Variants in PAFAH1B2 observed in about 807,000 individuals in gnomAD.
PAFAH1B2 encodes platelet-activating factor acetylhydrolase IB subunit alpha2.
A neutral mutation model predicts 28.0 loss-of-function variants in PAFAH1B2; 8 were observed. That is an observed-to-expected ratio of 0.29 (90% CI 0.17 to 0.52). PAFAH1B2 has a LOEUF of 0.52. Ranked by LOEUF, PAFAH1B2 falls within the 20% of genes least tolerant of loss-of-function variation. The pLI is 0.97. For synonymous variants in PAFAH1B2, 104 were observed against 103.2 expected (o/e 1.01, Z -0.05); for missense variants, 190 against 282.6 (o/e 0.67, Z 2.35).
At chr11:117,149,162 C>T (rs931325049) in intron 1 of PAFAH1B2, among the ~76,000 whole-genome samples, 8 of 150,154 alleles carry the variant, frequency 5.3e-5, no homozygotes, top group African/African-American at 2.0e-4. Flanking sequence ...GGATTACAGG[C>T]GTGAGCCACT....
chr11:117,172,380 ATATATATATATATATATATATATATT>A (rs1956679718), downstream of PAFAH1B2, among the ~76,000 whole-genome samples: 7 of 5,082 alleles, frequency 1.4e-3, 1 homozygote, highest in East Asian at 0.031. Flanking sequence ...ATATATATAT[ATATATATATATATATATATATATATT>A]TTTTTTTTTT....
downstream of PAFAH1B2, chr11:117,171,768 A>T: frequency 6.5e-7 from 1 of 1,530,736 alleles, no homozygotes; most frequent in Non-Finnish European, 8.8e-7. Context: ...TGCCGGTATG[A>T]TGTTCCTTGG....
At chr11:117,174,164 T>TTTTGTG (rs766588493), downstream of PAFAH1B2, among the ~76,000 whole-genome samples, 21 of 138,806 alleles carry the variant, frequency 1.5e-4, no homozygotes, top group Admixed American at 1.4e-3. Flanking sequence ...TTCATGTCTT[T>TTTTGTG]TGTGTGTGTG....
At chr11:117,145,425 A>C (rs1011710094) in intron 1 of PAFAH1B2, among the ~76,000 whole-genome samples, 1 of 111,528 alleles carries the variant, frequency 9.0e-6, no homozygotes, top group Non-Finnish European at 1.9e-5. Flanking sequence ...GTACAGCTTG[A>C]AATTATGGGA....
In PAFAH1B2 at chr11:117,168,038, C is replaced by G. The variant is rs1591754309; in HGVS notation, c.*339C>G. The G allele has an allele frequency of 1.9e-6, 2 of 1,067,416 alleles. No individual in the cohort carries two copies. The highest frequency in any genetic ancestry group is 5.3e-5 in the Admixed American group (1 of 18,796). The allele number at this position is 1,067,416 out of a possible 1,614,324, so 66.1% of individuals were successfully genotyped here. ...TACTGAACAATATGAAGATTCTTTT[C>G]TTGGCCTTTCTGTGGATTATGTCAT... is the stretch of plus-strand genomic sequence containing the variant. On this transcript the variant is annotated 3_prime_UTR_variant, in exon 6 of 6. Transcript: ENST00000527958.
At chr11:117,164,736 T>C (rs189495055) in intron 5 of PAFAH1B2, among the ~76,000 whole-genome samples, 2 of 151,674 alleles carry the variant, frequency 1.3e-5, no homozygotes, top group East Asian at 4.0e-4. Context: ...TCTGTTTCAG[T>C]ATAAAAGTCT....
In PAFAH1B2 at chr11:117,169,936, T is replaced by C; in HGVS notation, c.*2237T>C. 4.7e-6 allele frequency: 5 copies of C among 1,053,634 alleles called. No individual in the cohort carries two copies. Among genetic ancestry groups the C allele is most frequent in the Non-Finnish European group, 5.7e-6 (5 of 871,854 alleles). The allele number at this position is 1,053,634 out of a possible 1,614,324, so 65.3% of individuals were successfully genotyped here. A position where few individuals can be genotyped will look rare whatever the true frequency, so the allele number is the denominator to read the frequency against. On this transcript the variant is annotated 3_prime_UTR_variant, in exon 6 of 6. Transcript: ENST00000527958. ...TGACTGAGGATCAAATATCCCTTTG[T>C]GAGCTGGCCCTCAGCTCCTTTGCTC...
At chr11:117,176,459 A>C (rs558960469) in exon 6 of PAFAH1B2, 1 of 205,090 alleles carries the variant, frequency 4.9e-6, no homozygotes, top group Non-Finnish European at 1.0e-5. Flanking sequence ...ATAGTTGGGC[A>C]GGGCTGGGAG....
At chr11:117,172,519 G>A (rs1956696219), downstream of PAFAH1B2, among the ~76,000 whole-genome samples, 5 of 150,700 alleles carry the variant, frequency 3.3e-5, no homozygotes, top group Admixed American at 2.7e-4. Context: ...TGAGTTAAAA[G>A]ATCAAGTCCA....
At chr11:117,176,059 A>T in exon 6 of PAFAH1B2, 1 of 808,046 alleles carries the variant, frequency 1.2e-6, no homozygotes, top group South Asian at 1.5e-5. Context: ...TCTCTGATTC[A>T]TATTCGCCTA....
intron 1 of PAFAH1B2, among the ~76,000 whole-genome samples, chr11:117,151,948 C>T (rs923918153): frequency 6.6e-6 from 1 of 151,838 alleles, no homozygotes; most frequent in Admixed American, 6.6e-5. Context: ...ACCTCGTGAT[C>T]CACCTGCCGC....
chr11:117,158,366 T>TG (rs1956298392), intron 2 of PAFAH1B2, among the ~76,000 whole-genome samples: 1 of 151,706 alleles, frequency 6.6e-6, no homozygotes, highest in Non-Finnish European at 1.5e-5. Flanking sequence ...GAGAGTGTCT[T>TG]GTGCCTTTAT....
chr11:117,170,932 G>A lies in PAFAH1B2; in HGVS notation c.*3233G>A. 2.8e-6 allele frequency: 3 copies of A among 1,058,242 alleles called. No homozygotes were observed. The highest frequency in any genetic ancestry group is 3.4e-6 in the Non-Finnish European group (3 of 874,770). 65.6% of individuals were successfully genotyped at this position (1,058,242 alleles called of 1,614,324 possible). A position where few individuals can be genotyped will look rare whatever the true frequency, so the allele number is the denominator to read the frequency against. On this transcript the variant is annotated 3_prime_UTR_variant, in exon 6 of 6. Transcript: ENST00000527958. ...TGCTTGGGGATCACTGCTGCTAGCT[G>A]ACTGGACCTCCCCATTGGAAGTTTG...
At position 117,168,446 on chromosome 11, in the gene PAFAH1B2, G is replaced by GTTTGGTTTTTTT; in HGVS notation, c.*750_*751insGGTTTTTTTTTT. The GTTTGGTTTTTTT allele has an allele frequency of 4.3e-6, 1 of 234,820 alleles. No individual in the cohort carries two copies. Among genetic ancestry groups the GTTTGGTTTTTTT allele is most frequent in the Non-Finnish European group, 5.0e-6 (1 of 200,708 alleles). The allele number at this position is 234,820 out of a possible 1,614,324, so 14.5% of individuals were successfully genotyped here. On this transcript the variant is annotated 3_prime_UTR_variant, in exon 6 of 6. Coordinates refer to ENST00000527958, the MANE Select transcript of PAFAH1B2 (RefSeq NM_002572.4). ...TCCCCTTCATTCCCCCCGCCACCCCGTTTTTTTTTTTTTTTTTTTTTTTTT... is the reference window on the plus strand; with the variant it reads ...TCCCCTTCATTCCCCCCGCCACCCCGTTTGGTTTTTTTTTTTTTTTTTTTTTTTTTTTTTTTT...
chr11:117,151,233 C>CCT (rs1956143256), intron 1 of PAFAH1B2, among the ~76,000 whole-genome samples: 1 of 133,970 alleles, frequency 7.5e-6, no homozygotes, highest in African/African-American at 2.8e-5. Flanking sequence ...TTTTCTTTTT[C>CCT]TTTTTTTTTT....
At chr11:117,145,575 G>A (rs1399501720) in intron 1 of PAFAH1B2, among the ~76,000 whole-genome samples, 1 of 152,146 alleles carries the variant, frequency 6.6e-6, no homozygotes, top group Non-Finnish European at 1.5e-5. Context: ...CCTCCTTGTG[G>A]GGGAGAAGGG....
chr11:117,168,103 CAT>C lies in PAFAH1B2; in HGVS notation c.*405_*406del, dbSNP rs1956553928. 2 of 1,055,508 alleles carry C rather than the reference CAT, an allele frequency of 1.9e-6. No individual in the cohort carries two copies. Among genetic ancestry groups the C allele is most frequent in the Non-Finnish European group, 1.1e-6 (1 of 872,302 alleles). The allele number at this position is 1,055,508 out of a possible 1,614,324, so 65.4% of individuals were successfully genotyped here. ...AGAATCATTCTACTTGGCTTTAAAACATGTTTTCTCCAATTTTTTTAAGGTTC... is the reference window on the plus strand; with the variant it reads ...AGAATCATTCTACTTGGCTTTAAAACGTTTTCTCCAATTTTTTTAAGGTTC... On this transcript the variant is annotated 3_prime_UTR_variant, in exon 6 of 6. Coordinates refer to ENST00000527958, the MANE Select transcript of PAFAH1B2 (RefSeq NM_002572.4).
At chr11:117,167,311 A>T in intron 5 of PAFAH1B2, 110 bp from the exon 6 acceptor site, 1 of 1,058,418 alleles carries the variant, frequency 9.4e-7, no homozygotes, top group Non-Finnish European at 1.3e-6. Context: ...CACAACTCAA[A>T]GGTGTAGAAA....
chr11:117,155,083 GCTGGGATTACAGGCACCCAC>G (rs1956230177), intron 2 of PAFAH1B2, among the ~76,000 whole-genome samples: 1 of 152,136 alleles, frequency 6.6e-6, no homozygotes. Context: ...CTCCTGAATA[GCTGGGATTACAGGCACCCAC>G]CTCCATGCCC....
Sources: allele counts gnomAD v4.1 joint callset (sites outside exome capture counted in the v4.1 genomes callset), GRCh38; gene constraint gnomAD v4.1.1; transcripts MANE v1.5; gene names NCBI Gene and HGNC (gene_info 2026-07-23, HGNC 2026-07-21).